Variants in PDE4D observed in about 807,000 individuals in gnomAD.
PDE4D encodes the protein phosphodiesterase 4D, also known as 3',5'-cyclic-AMP phosphodiesterase 4D.
PDE4D carries 24 observed loss-of-function variants against 87.4 expected under a neutral mutation model. That is an observed-to-expected ratio of 0.27 (90% CI 0.20 to 0.39). The LOEUF is 0.39. Ranked by LOEUF, PDE4D falls within the 10% of genes least tolerant of loss-of-function variation. The pLI, the probability that PDE4D is intolerant of heterozygous loss-of-function variation, is 1.00. For synonymous variants in PDE4D, 384 were observed against 383.2 expected (o/e 1.00, Z -0.02); for missense variants, 714 against 1,041.0 (o/e 0.69, Z 4.32).
chr5:59,432,822 G>C (rs897336789), intron 1 of PDE4D, among the ~76,000 whole-genome samples: 1 of 152,138 alleles, frequency 6.6e-6, no homozygotes, highest in Non-Finnish European at 1.5e-5. Context: ...ATCAGAATGA[G>C]AGAACACTCA....
intron 1 of PDE4D, among the ~76,000 whole-genome samples, chr5:60,323,076 A>T (rs937454742): frequency 6.6e-6 from 1 of 152,174 alleles, no homozygotes; most frequent in East Asian, 1.9e-4. Context: ...TAAGTTCCTT[A>T]AAGCTTGGTT....
intron 1 of PDE4D, among the ~76,000 whole-genome samples, chr5:60,298,274 CTAACA>C (rs1354173383): frequency 6.6e-6 from 1 of 152,072 alleles, no homozygotes. Context: ...TACCATTCAA[CTAACA>C]TAAAAGTGTT....
chr5:60,371,001 C>T (rs1307109640), intron 1 of PDE4D, among the ~76,000 whole-genome samples: 2 of 152,172 alleles, frequency 1.3e-5, no homozygotes, highest in Non-Finnish European at 2.9e-5. Context: ...CCAGGAGAAA[C>T]CATATGTGAG....
At chr5:60,161,772 T>A (rs1201823115) in intron 2 of PDE4D, among the ~76,000 whole-genome samples, 5 of 152,186 alleles carry the variant, frequency 3.3e-5, no homozygotes, top group Non-Finnish European at 7.4e-5. Flanking sequence ...TGAATTGTGG[T>A]AAAGTTTACT....
intron 1 of PDE4D, among the ~76,000 whole-genome samples, chr5:59,484,143 T>C (rs1203028716): frequency 1.3e-5 from 2 of 152,174 alleles, no homozygotes; most frequent in African/African-American, 4.8e-5. Flanking sequence ...ATCCCAACTA[T>C]GTAAAACATC....
At chr5:60,259,855 T>C (rs10939838) in intron 1 of PDE4D, among the ~76,000 whole-genome samples, 10,942 of 152,056 alleles carry the variant, frequency 0.072, 443 homozygotes, top group Non-Finnish European at 0.098. Flanking sequence ...AGTGACCTCC[T>C]GGGTGTTTTA....
intron 1 of PDE4D, among the ~76,000 whole-genome samples, chr5:59,390,172 GA>G (rs574685722): frequency 5.1e-4 from 78 of 151,926 alleles, no homozygotes; most frequent in African/African-American, 1.8e-3. Flanking sequence ...TGAATTGTAA[GA>G]AAAAAAGAGA....
At chr5:59,577,437 A>G (rs1262122424) in intron 1 of PDE4D, among the ~76,000 whole-genome samples, 1 of 152,140 alleles carries the variant, frequency 6.6e-6, no homozygotes, top group East Asian at 1.9e-4. Flanking sequence ...ATTACCTTTA[A>G]TGGAAGAACA....
rs1437379015 is a variant in PDE4D at position 59,397,957 on chromosome 5, A to G, written c.456-181989T>C. Among the ~76,000 whole-genome samples, 2 of 120,814 alleles carry G rather than the reference A, an allele frequency of 1.7e-5. 1 individual carries two copies. Among genetic ancestry groups the G allele is most frequent in the African/African-American group, 6.6e-5 (2 of 30,232 alleles). The allele number at this position is 120,814 out of a possible 152,430, so 79.3% of individuals were successfully genotyped here. A position where few individuals can be genotyped will look rare whatever the true frequency, so the allele number is the denominator to read the frequency against. ...ATCAGAGAATACTACAAACACCTCT[A>G]TGCAAATAAACTAGAAAATCTAGAA... is the stretch of plus-strand genomic sequence containing the variant. On this transcript the variant is annotated intron_variant, in intron 1 of 14. Transcript: ENST00000340635.
chr5:60,126,961 C>T (rs948850078), intron 2 of PDE4D, among the ~76,000 whole-genome samples: 1 of 152,106 alleles, frequency 6.6e-6, no homozygotes. Context: ...AAGAAGTATG[C>T]AGCGTATGTA....
At chr5:60,375,230 C>T (rs1761342606) in intron 1 of PDE4D, among the ~76,000 whole-genome samples, 1 of 151,968 alleles carries the variant, frequency 6.6e-6, no homozygotes, top group Non-Finnish European at 1.5e-5. Flanking sequence ...TTTTGTTTAC[C>T]CTATGAGGAC....
intron 2 of PDE4D, among the ~76,000 whole-genome samples, chr5:60,122,730 C>T (rs1393781553): frequency 3.3e-5 from 5 of 152,220 alleles, no homozygotes; most frequent in African/African-American, 1.2e-4. Flanking sequence ...GTCTTGAAGG[C>T]TTAACATTCG....
At chr5:60,373,133 C>T (rs1761165091) in intron 1 of PDE4D, among the ~76,000 whole-genome samples, 5 of 152,208 alleles carry the variant, frequency 3.3e-5, no homozygotes, top group Admixed American at 3.3e-4. Context: ...CTGTCTCAGA[C>T]TGGTGGCCCA....
intron 1 of PDE4D, among the ~76,000 whole-genome samples, chr5:60,427,661 G>C (rs977230368): frequency 6.6e-6 from 1 of 152,198 alleles, no homozygotes; most frequent in Admixed American, 6.5e-5. Flanking sequence ...ATATAAAGTA[G>C]TATGTTTTCT....
At chr5:59,991,323 A>C (rs1433805027) in intron 2 of PDE4D, among the ~76,000 whole-genome samples, 2 of 152,122 alleles carry the variant, frequency 1.3e-5, no homozygotes, top group Non-Finnish European at 2.9e-5. Flanking sequence ...AAAGACAAGC[A>C]AGGCTAAGAC....
chr5:60,419,392 A>C lies in PDE4D; in HGVS notation c.-90+68550T>G, dbSNP rs577565381. The stretch of plus-strand genomic sequence containing the variant: ...AAACACAAAAAAATATAAAGTATGC[A>C]CATCATGCTATCATTTATGTGAGGA... On this transcript the variant is annotated intron_variant, in intron 1 of 16. Transcript: ENST00000502484. Among the ~76,000 whole-genome samples, 3 of 152,208 alleles carry C rather than the reference A, an allele frequency of 2.0e-5. No individual in the cohort carries two copies. In the South Asian group the frequency reaches 6.2e-4, roughly 32 times the overall value.
chr5:60,367,448 T>C lies in PDE4D; in HGVS notation c.-90+120494A>G, dbSNP rs550100778. Among the ~76,000 whole-genome samples, 269 of 129,946 alleles carry C rather than the reference T, an allele frequency of 2.1e-3. 1 individual carries two copies. Among genetic ancestry groups the C allele is most frequent in the African/African-American group, 8.4e-3 (260 of 30,982 alleles). The allele number at this position is 129,946 out of a possible 152,430, so 85.2% of individuals were successfully genotyped here. ...CGTGGACAACAAGAGCGAAACTCCATATCAAAAAAAAAAAAAAATTATACA... is the reference window on the plus strand; with the variant it reads ...CGTGGACAACAAGAGCGAAACTCCACATCAAAAAAAAAAAAAAATTATACA... On this transcript the variant is annotated intron_variant, in intron 1 of 16. Transcript: ENST00000502484.
upstream of PDE4D, among the ~76,000 whole-genome samples, chr5:59,894,865 G>A (rs538900087): frequency 6.6e-5 from 10 of 152,208 alleles, no homozygotes; most frequent in African/African-American, 2.4e-4. Flanking sequence ...GAAGCCAAGA[G>A]GATTTCAGGG....
At chr5:60,196,729 C>G (rs1205896129) in intron 1 of PDE4D, among the ~76,000 whole-genome samples, 1 of 151,670 alleles carries the variant, frequency 6.6e-6, no homozygotes, top group Non-Finnish European at 1.5e-5. Context: ...CATAAAATCT[C>G]TGGTGCAAGC....
Sources: gnomAD v4.1 joint callset for allele counts (sites outside exome capture counted in the v4.1 genomes callset) on GRCh38, gnomAD v4.1.1 for gene constraint, MANE v1.5 for transcripts, NCBI Gene and HGNC (gene_info 2026-07-23, HGNC 2026-07-21) for gene names.